Variants in PCDH17 observed in about 807,000 individuals in gnomAD.
PCDH17 encodes protocadherin-17.
In PCDH17, 21 loss-of-function variants were observed where a neutral mutation model predicts 67.7. The ratio of observed to expected loss-of-function variants is 0.31; its 90% CI spans 0.22 to 0.45. PCDH17 has a LOEUF of 0.45. Ranked by LOEUF, PCDH17 falls within the 20% of genes least tolerant of loss-of-function variation. The pLI is 1.00. For missense variants in PCDH17, 1,471 were observed against 1,564.8 expected, an observed-to-expected ratio of 0.94 and a Z score of 1.01; for synonymous variants, 701 against 656.7, an observed-to-expected ratio of 1.07 and a Z score of -1.03.
At chr13:57,641,571 AAAAAAAAAAAAAAAAAATATAT>A (rs1271434339) in intron 1 of PCDH17, among the ~76,000 whole-genome samples, 6 of 33,092 alleles carry the variant, frequency 1.8e-4, no homozygotes, top group African/African-American at 3.7e-4. Context: ...AAAAAAAAAA[AAAAAAAAAAAAAAAAAATATAT>A]ATATATATAT....
In PCDH17 at chr13:57,633,606, G is replaced by T. The variant is rs1324231236; in HGVS notation, c.1060G>T (p.Val354Phe). The T allele has an allele frequency of 6.2e-7, 1 of 1,612,036 alleles. No individual in the cohort carries two copies. Among genetic ancestry groups the T allele is most frequent in the African/African-American group, 1.3e-5 (1 of 74,946 alleles). Residue 354 changes from valine (V) to phenylalanine (F), a missense_variant, in exon 1 of 4, where the codon GTC becomes TTC. Val to Phe is a conservative substitution (Grantham distance 50). Around this residue, in one of 3 missense-constraint regions of PCDH17, gnomAD observed 1,163 missense variants for 1,230.0 expected, o/e 0.95. Coordinates refer to ENST00000377918, the MANE Select transcript of PCDH17 (RefSeq NM_001040429.3). This position sits in a 1 kb window ranked among gnomAD's most constrained non-coding sequence, Gnocchi z 6.2. ...CGACAATGCGCCGTCCATCGGTTTC[G>T]TCTCCGTGCGCCAGGGGGCGCTGAG... is the stretch of plus-strand genomic sequence containing the variant. Reference protein sequence around the residue: ...RNDNAPSIGFVSVRQGALSEA... With the variant: ...RNDNAPSIGFFSVRQGALSEA...
In PCDH17 at chr13:57,631,771, C is replaced by T. The variant is rs1954724167; in HGVS notation, c.-776C>T. On this transcript the variant is annotated 5_prime_UTR_variant, in exon 1 of 4. Transcript: ENST00000377918. ...ATTTCCTCCCCTCCCTTTGGCTGCT[C>T]GGAAAGGAGAGAGAGGAAAAAAAAA... 1 of 94,046 alleles carries T rather than the reference C, an allele frequency of 1.1e-5. No homozygotes were observed. Among genetic ancestry groups the T allele is most frequent in the South Asian group, 4.8e-4 (1 of 2,078 alleles). 5.8% of individuals were successfully genotyped at this position (94,046 alleles called of 1,614,324 possible).
At position 57,632,742 on chromosome 13, in the gene PCDH17, G is replaced by C; in HGVS notation, c.196G>C (p.Val66Leu). 1 of 1,612,358 alleles carries C rather than the reference G, an allele frequency of 6.2e-7. No homozygotes were observed. Among genetic ancestry groups the C allele is most frequent in the Non-Finnish European group, 8.5e-7 (1 of 1,179,958 alleles). The stretch of plus-strand genomic sequence containing the variant: ...GCGCAGCAAGTCGGGTAGCTACCGG[G>C]TGCTGGAGAACTCCGCACCGCACCT... ...GGRSKSGSYR[V>L]LENSAPHLLD... Residue 66 changes from valine to leucine, a missense_variant, in exon 1 of 4, where the codon GTG becomes CTG. Physicochemically the swap from Val to Leu is conservative, Grantham distance 32. Around this residue, in one of 3 missense-constraint regions of PCDH17, gnomAD observed 1,163 missense variants for 1,230.0 expected, o/e 0.95. Transcript: ENST00000377918.
intron 3 of PCDH17, among the ~76,000 whole-genome samples, chr13:57,685,567 A>G (rs1750622760): frequency 6.6e-6 from 1 of 152,154 alleles, no homozygotes; most frequent in Non-Finnish European, 1.5e-5. Flanking sequence ...TATGAATACC[A>G]GTCTAAAAAT....
intron 2 of PCDH17, 39 bp from the exon 3 acceptor site, chr13:57,666,622 G>T (rs373560720): frequency 6.8e-6 from 11 of 1,607,570 alleles, no homozygotes; most frequent in Non-Finnish European, 9.4e-6. Context: ...AACTAGTAGA[G>T]ACAACACTTT....
At chr13:57,692,470 T>G (rs1210879302) in intron 3 of PCDH17, among the ~76,000 whole-genome samples, 1 of 151,284 alleles carries the variant, frequency 6.6e-6, no homozygotes, top group African/African-American at 2.4e-5. Context: ...TGTACTAAAA[T>G]GAATTAAGAC....
chr13:57,652,394 C>A (rs1256559026), intron 1 of PCDH17, among the ~76,000 whole-genome samples: 1 of 151,654 alleles, frequency 6.6e-6, no homozygotes, highest in African/African-American at 2.4e-5. Context: ...CAGGCTTGGT[C>A]ACTTTTGGTT....
intron 3 of PCDH17, among the ~76,000 whole-genome samples, chr13:57,680,345 A>T (rs1257995694): frequency 6.6e-6 from 1 of 151,666 alleles, no homozygotes; most frequent in Non-Finnish European, 1.5e-5. Flanking sequence ...TAATAGCATC[A>T]TCAAAGAAGT....
intron 3 of PCDH17, among the ~76,000 whole-genome samples, chr13:57,688,006 T>C (rs1467024593): frequency 6.6e-6 from 1 of 152,026 alleles, no homozygotes; most frequent in Non-Finnish European, 1.5e-5. Context: ...GTAACACTTA[T>C]AGGGCAATGA....
At chr13:57,722,742 C>T (rs1328188490) in intron 3 of PCDH17, among the ~76,000 whole-genome samples, 2 of 151,976 alleles carry the variant, frequency 1.3e-5, no homozygotes, top group Admixed American at 6.6e-5. Context: ...CAGCCTGCCG[C>T]GTAGCTGCAT....
intron 1 of PCDH17, among the ~76,000 whole-genome samples, chr13:57,662,349 T>C (rs1360643290): frequency 6.6e-6 from 1 of 152,220 alleles, no homozygotes; most frequent in Non-Finnish European, 1.5e-5. Flanking sequence ...ATACATTATT[T>C]GGGGATCCAA....
chr13:57,690,089 A>AT (rs1955544602), intron 3 of PCDH17, among the ~76,000 whole-genome samples: 1 of 151,736 alleles, frequency 6.6e-6, no homozygotes, highest in African/African-American at 2.4e-5. Flanking sequence ...GAATCTTCAC[A>AT]TAACCAGGCC....
chr13:57,702,427 G>A (rs1955675911), intron 3 of PCDH17, among the ~76,000 whole-genome samples: 1 of 151,910 alleles, frequency 6.6e-6, no homozygotes, highest in African/African-American at 2.4e-5. Flanking sequence ...GCCCTGTGAG[G>A]ATATCCCCAT....
At chr13:57,639,484 T>C (rs1013179878) in intron 1 of PCDH17, among the ~76,000 whole-genome samples, 2 of 151,886 alleles carry the variant, frequency 1.3e-5, no homozygotes, top group African/African-American at 4.8e-5. Context: ...ACACAGAAAG[T>C]ATAAAGCTAG....
In PCDH17 at chr13:57,728,159, G is replaced by A. The variant is rs1955928168; in HGVS notation, c.*2865G>A. On this transcript the variant is annotated 3_prime_UTR_variant, in exon 4 of 4. Transcript: ENST00000377918. ...TTTATAGTTGAATTGAGGAAATCTC[G>A]CTTTTATTCATTTAGCTGGCAACTG... 1 of 152,470 alleles carries A rather than the reference G, an allele frequency of 6.6e-6. No individual in the cohort carries two copies. Among genetic ancestry groups the A allele is most frequent in the South Asian group, 2.1e-4 (1 of 4,828 alleles). 9.4% of individuals were successfully genotyped at this position (152,470 alleles called of 1,614,324 possible).
intron 3 of PCDH17, among the ~76,000 whole-genome samples, chr13:57,676,920 G>A (rs946309119): frequency 6.6e-6 from 1 of 151,854 alleles, no homozygotes; most frequent in African/African-American, 2.4e-5. Flanking sequence ...ATGTGACCAT[G>A]CATGACTGGC....
At chr13:57,690,907 T>C (rs890578335) in intron 3 of PCDH17, among the ~76,000 whole-genome samples, 3 of 151,548 alleles carry the variant, frequency 2.0e-5, no homozygotes, top group African/African-American at 7.2e-5. Flanking sequence ...AGTGTAACTG[T>C]ATAACCTTTG....
chr13:57,668,735 T>A (rs970251303), intron 3 of PCDH17, among the ~76,000 whole-genome samples: 1 of 152,004 alleles, frequency 6.6e-6, no homozygotes, highest in Non-Finnish European at 1.5e-5. Context: ...ATGCCACACA[T>A]CCCTATTAGT....
In PCDH17 at chr13:57,632,723, C is replaced by T; in HGVS notation, c.177C>T (p.Ser59=). 6.2e-7 allele frequency: 1 copy of T among 1,611,884 alleles called. No individual in the cohort carries two copies. Among genetic ancestry groups the T allele is most frequent in the Non-Finnish European group, 8.5e-7 (1 of 1,179,926 alleles). Reference sequence around the variant, plus strand: ...CAGAGCGCGGCGGCGGAGGGCGCAGCAAGTCGGGTAGCTACCGGGTGCTGG... The same window carrying T: ...CAGAGCGCGGCGGCGGAGGGCGCAGTAAGTCGGGTAGCTACCGGGTGCTGG... ...PPAERGGGGR[S]KSGSYRVLEN... Residue 59 remains serine, a synonymous_variant, in exon 1 of 4, where the codon AGC becomes AGT. Coordinates refer to ENST00000377918, the MANE Select transcript of PCDH17 (RefSeq NM_001040429.3).
Sources: gnomAD v4.1 joint callset for allele counts (sites outside exome capture counted in the v4.1 genomes callset) on GRCh38, gnomAD v4.1.1 for gene constraint, gnomAD v4.1.1 regional missense constraint, Gnocchi (gnomAD v3.1) non-coding constraint, MANE v1.5 for transcripts, NCBI Gene and HGNC (gene_info 2026-07-23, HGNC 2026-07-21) for gene names.